SMAD3: variants seen among roughly 807,000 people sequenced by gnomAD.
SMAD3 encodes MAD homolog 3.
In SMAD3, 12 loss-of-function variants were observed where a neutral mutation model predicts 51.8. The observed-to-expected ratio is 0.23, with a 90% CI of 0.15 to 0.38. SMAD3 has a LOEUF of 0.38. SMAD3 is among the 10% of genes least tolerant of loss of function. The pLI is 1.00. For synonymous variants in SMAD3, 238 were observed against 227.7 expected (o/e 1.05, Z -0.41); for missense variants, 294 against 565.6 (o/e 0.52, Z 4.87).
chr15:67,089,565 C>T (rs1423678463), intron 1 of SMAD3, among the ~76,000 whole-genome samples: 1 of 152,180 alleles, frequency 6.6e-6, no homozygotes. Context: ...TGACAGAGTT[C>T]TTTGTCTACA....
chr15:67,159,840 G>A (rs569931838), intron 1 of SMAD3, among the ~76,000 whole-genome samples: 113 of 152,288 alleles, frequency 7.4e-4, no homozygotes, highest in Non-Finnish European at 2.5e-4. Flanking sequence ...CATTCATAGC[G>A]TTGCATGTAT....
rs534486950 is a variant in SMAD3, at chr15:67,148,885, G to A, written c.207-16010G>A. On this transcript the variant is annotated intron_variant, in intron 1 of 8. Transcript: ENST00000327367. ...AGCAAATGTGACCTGCAAGCCCCTC[G>A]CTCCATCCAGGATGCAGGCAAAGTT... Among the ~76,000 whole-genome samples the A allele has an allele frequency of 1.6e-4, 25 of 152,234 alleles. No individual in the cohort carries two copies. The South Asian group carries it at 3.5e-3, about 22-fold the overall frequency.
At chr15:67,117,907 C>G (rs780984407) in intron 1 of SMAD3, among the ~76,000 whole-genome samples, 5 of 152,112 alleles carry the variant, frequency 3.3e-5, no homozygotes, top group Non-Finnish European at 7.4e-5. Flanking sequence ...GCCTGGCCAA[C>G]GTGGCAAAAC....
intron 1 of SMAD3, among the ~76,000 whole-genome samples, chr15:67,158,315 G>C (rs998903759): frequency 2.0e-5 from 3 of 152,188 alleles, no homozygotes; most frequent in Admixed American, 6.5e-5. Flanking sequence ...TATTTTGAGT[G>C]GGGCAGAGGG....
intron 1 of SMAD3, among the ~76,000 whole-genome samples, chr15:67,130,284 C>T (rs1193614704): frequency 2.6e-5 from 4 of 152,188 alleles, no homozygotes; most frequent in African/African-American, 7.2e-5. Flanking sequence ...CTGCTGACTC[C>T]GGTACTAGGT....
intron 1 of SMAD3, among the ~76,000 whole-genome samples, chr15:67,072,002 G>A (rs1960065388): frequency 6.6e-6 from 1 of 152,154 alleles, no homozygotes; most frequent in Non-Finnish European, 1.5e-5. Context: ...TTGCAAGGGT[G>A]AAGTTTTAAA....
intron 7 of SMAD3, 22 bp from the exon 8 acceptor site, chr15:67,187,343 C>A: frequency 1.2e-6 from 2 of 1,614,138 alleles, no homozygotes; most frequent in Non-Finnish European, 1.7e-6. Context: ...TCCCCACAGC[C>A]CTGTTTCTGT....
intron 1 of SMAD3, among the ~76,000 whole-genome samples, chr15:67,073,604 A>T (rs1960103894): frequency 6.6e-6 from 1 of 152,212 alleles, no homozygotes; most frequent in African/African-American, 2.4e-5. Flanking sequence ...TCAACTGGAA[A>T]ATAGGCTAGA....
At chr15:67,185,385 A>G (rs1345900273) in intron 7 of SMAD3, among the ~76,000 whole-genome samples, 5 of 152,178 alleles carry the variant, frequency 3.3e-5, no homozygotes, top group Admixed American at 2.0e-4. Flanking sequence ...GAGGAGAAAC[A>G]TCCGGATCCT....
intron 1 of SMAD3, among the ~76,000 whole-genome samples, chr15:67,077,761 C>T (rs1276387423): frequency 1.3e-5 from 2 of 152,104 alleles, no homozygotes; most frequent in East Asian, 3.9e-4. Context: ...AGAGCACAGA[C>T]CAGACTGCGG....
rs191679355 is a variant in SMAD3, at chr15:67,191,325, A to G, written c.*789A>G. Reference sequence around the variant, plus strand: ...AGTGTCTATTATCACATTAATCTCAAAGAGATTCGAATGACGGTAAGTGTT... The same window carrying G: ...AGTGTCTATTATCACATTAATCTCAGAGAGATTCGAATGACGGTAAGTGTT... On this transcript the variant is annotated 3_prime_UTR_variant, in exon 9 of 9. Transcript: ENST00000327367. 5.6e-5 allele frequency: 13 copies of G among 233,356 alleles called. No individual in the cohort carries two copies. The highest frequency in any genetic ancestry group is 1.1e-4 in the Non-Finnish European group (13 of 118,026). The allele number at this position is 233,356 out of a possible 1,614,324, so 14.5% of individuals were successfully genotyped here.
rs551779423 is a variant in SMAD3, at chr15:67,192,190, G to A, written c.*1654G>A. 10 of 232,876 alleles carry A rather than the reference G, an allele frequency of 4.3e-5. No homozygotes were observed. In the South Asian group the frequency reaches 1.8e-3, roughly 42 times the overall value. 14.4% of individuals were successfully genotyped at this position (232,876 alleles called of 1,614,324 possible). A position where few individuals can be genotyped will look rare whatever the true frequency, so the allele number is the denominator to read the frequency against. On this transcript the variant is annotated 3_prime_UTR_variant, in exon 9 of 9. Transcript: ENST00000327367. ...ACAGCTCAAATGTGATGAGATTTCT[G>A]ATGTTAGAGGGAGATGGAGAGGCTT...
Position 67,144,871 on chromosome 15 carries a change from C to T in SMAD3, c.207-20024C>T, listed in dbSNP as rs73483367. ...GCATGGGGCTGGAATCTCAGAGCTG[C>T]GGTTGCTGTGGTTCTCTGATTCCTG... On this transcript the variant is annotated intron_variant, in intron 1 of 8. Transcript: ENST00000327367. Among the ~76,000 whole-genome samples, 636 of 152,266 alleles carry T rather than the reference C, an allele frequency of 4.2e-3. 3 individuals are homozygous for T. The highest frequency in any genetic ancestry group is 0.014 in the African/African-American group (590 of 41,532).
chr15:67,082,661 G>A (rs369384233), intron 1 of SMAD3, among the ~76,000 whole-genome samples: 5 of 152,184 alleles, frequency 3.3e-5, no homozygotes, highest in South Asian at 2.1e-4. Flanking sequence ...AAGTTTTGCC[G>A]TCGTCGGACG....
intron 1 of SMAD3, among the ~76,000 whole-genome samples, chr15:67,077,793 G>A (rs527635436): frequency 6.6e-6 from 1 of 152,324 alleles, no homozygotes; most frequent in East Asian, 1.9e-4. Flanking sequence ...ATCTAGGGAA[G>A]GCAAGACAGT....
At position 67,194,327 on chromosome 15, in the gene SMAD3, C is replaced by T. The variant is rs779537026; in HGVS notation, c.*3791C>T. On this transcript the variant is annotated 3_prime_UTR_variant, in exon 9 of 9. Transcript: ENST00000327367. ...CAAGTGGGTAGGGAAAGCAGAAAAACGTACGCAAGAGGACATGGATCCAAA... is the reference window on the plus strand; with the variant it reads ...CAAGTGGGTAGGGAAAGCAGAAAAATGTACGCAAGAGGACATGGATCCAAA... 2.1e-5 allele frequency: 5 copies of T among 233,094 alleles called. No individual in the cohort carries two copies. The highest frequency in any genetic ancestry group is 6.0e-5 in the East Asian group (1 of 16,668). The allele number at this position is 233,094 out of a possible 1,614,324, so 14.4% of individuals were successfully genotyped here.
intron 5 of SMAD3, among the ~76,000 whole-genome samples, chr15:67,171,494 G>A (rs1441664212): frequency 6.6e-6 from 1 of 152,210 alleles, no homozygotes; most frequent in Non-Finnish European, 1.5e-5. Flanking sequence ...TTCTGGTCTG[G>A]TAGTTTTAGA....
At chr15:67,170,832 C>T (rs1333240667) in intron 5 of SMAD3, among the ~76,000 whole-genome samples, 3 of 152,106 alleles carry the variant, frequency 2.0e-5, no homozygotes, top group African/African-American at 7.2e-5. Context: ...TTTGTATTTC[C>T]CCTGGGGGGC....
rs565929299 is a variant in SMAD3 at position 67,193,031 on chromosome 15, G to C, written c.*2495G>C. 1 of 233,360 alleles carries C rather than the reference G, an allele frequency of 4.3e-6. No individual in the cohort carries two copies. Among genetic ancestry groups the C allele is most frequent in the Non-Finnish European group, 8.5e-6 (1 of 118,014 alleles). The allele number at this position is 233,360 out of a possible 1,614,324, so 14.5% of individuals were successfully genotyped here. A position where few individuals can be genotyped will look rare whatever the true frequency, so the allele number is the denominator to read the frequency against. On this transcript the variant is annotated 3_prime_UTR_variant, in exon 9 of 9. Coordinates refer to ENST00000327367, the MANE Select transcript of SMAD3 (RefSeq NM_005902.4). ...AAAATAAATTTGATCATACCTAAGA[G>C]GTTAGGAAATGGTGCCATTCCCACC...
Sources: allele counts gnomAD v4.1 joint callset (sites outside exome capture counted in the v4.1 genomes callset), GRCh38; gene constraint gnomAD v4.1.1; transcripts MANE v1.5; gene names NCBI Gene and HGNC (gene_info 2026-07-23, HGNC 2026-07-21).